Variants in TMOD1 observed in about 807,000 individuals in gnomAD.
TMOD1 encodes the protein tropomodulin-1.
A neutral mutation model predicts 40.6 loss-of-function variants in TMOD1; 17 were observed. That is an observed-to-expected ratio of 0.42 (90% CI 0.29 to 0.63). TMOD1 has a LOEUF of 0.63. Among genes scored for constraint, TMOD1 ranks in the 20% least tolerant of loss-of-function variants. The probability of loss-of-function intolerance (pLI) is 0.22; values close to 1 mark genes in which losing one functional copy is unlikely to be tolerated. For missense variants in TMOD1, 391 were observed against 447.6 expected (o/e 0.87, Z 1.14); for synonymous variants, 181 against 175.0 (o/e 1.03, Z -0.27).
intron 8 of TMOD1, among the ~76,000 whole-genome samples, chr9:97,588,521 T>C (rs1825928223): frequency 6.6e-6 from 1 of 152,198 alleles, no homozygotes; most frequent in Non-Finnish European, 1.5e-5. Flanking sequence ...CAATACAAAA[T>C]ATTTTTCCCA....
intron 4 of TMOD1, among the ~76,000 whole-genome samples, chr9:97,556,031 A>G (rs1361745446): frequency 1.3e-5 from 2 of 151,898 alleles, no homozygotes; most frequent in Non-Finnish European, 2.9e-5. Flanking sequence ...TGGATGCCAC[A>G]CCAAGGAGAT....
intron 4 of TMOD1, among the ~76,000 whole-genome samples, chr9:97,558,937 G>A (rs947668290): frequency 2.0e-5 from 3 of 152,180 alleles, no homozygotes; most frequent in Non-Finnish European, 4.4e-5. Context: ...GGCTCAGCCT[G>A]AAATGCAGGT....
intron 2 of TMOD1, among the ~76,000 whole-genome samples, chr9:97,545,366 A>C (rs1426722751): frequency 6.6e-6 from 1 of 152,220 alleles, no homozygotes; most frequent in Non-Finnish European, 1.5e-5. Context: ...AGTTAAAGTG[A>C]AGCCCATGAG....
intron 3 of TMOD1, among the ~76,000 whole-genome samples, chr9:97,549,734 A>G (rs1830418874): frequency 6.6e-6 from 1 of 152,126 alleles, no homozygotes; most frequent in Admixed American, 6.5e-5. Context: ...ATTTTAGGGA[A>G]TATCTTTCTG....
chr9:97,539,422 T>A (rs1830240934), intron 2 of TMOD1, among the ~76,000 whole-genome samples: 1 of 152,120 alleles, frequency 6.6e-6, no homozygotes, highest in African/African-American at 2.4e-5. Context: ...CACAAGTAAT[T>A]TACATAATAA....
At chr9:97,573,412 T>C (rs1005470636) in intron 8 of TMOD1, among the ~76,000 whole-genome samples, 1 of 152,258 alleles carries the variant, frequency 6.6e-6, no homozygotes, top group Non-Finnish European at 1.5e-5. Context: ...TTAAAGTAGA[T>C]GGATTGTGCT....
intron 2 of TMOD1, among the ~76,000 whole-genome samples, chr9:97,540,784 A>T (rs1374343425): frequency 6.6e-6 from 1 of 152,194 alleles, no homozygotes; most frequent in Non-Finnish European, 1.5e-5. Context: ...TAGCTGGTGA[A>T]CATTAGACTT....
intron 7 of TMOD1, among the ~76,000 whole-genome samples, chr9:97,566,595 C>T (rs1410841788): frequency 6.6e-6 from 1 of 152,028 alleles, no homozygotes; most frequent in East Asian, 1.9e-4. Flanking sequence ...CACTTGAGCC[C>T]AGGAGGCGGA....
At chr9:97,565,667 T>G (rs1202226253) in intron 6 of TMOD1, among the ~76,000 whole-genome samples, 181 bp from the exon 7 acceptor site, 1 of 152,210 alleles carries the variant, frequency 6.6e-6, no homozygotes, top group Non-Finnish European at 1.5e-5. Flanking sequence ...TTTCTAAATC[T>G]GTTTACCAGA....
intron 2 of TMOD1, among the ~76,000 whole-genome samples, chr9:97,540,631 G>A (rs1830262992): frequency 6.6e-6 from 1 of 152,162 alleles, no homozygotes; most frequent in Non-Finnish European, 1.5e-5. Flanking sequence ...GTATGGAATT[G>A]TATAATACAT....
chr9:97,511,395 A>G (rs1180516482), intron 1 of TMOD1, among the ~76,000 whole-genome samples: 1 of 152,194 alleles, frequency 6.6e-6, no homozygotes, highest in African/African-American at 2.4e-5. Context: ...ATCTGTCATA[A>G]TAGAACTAGG....
intron 1 of TMOD1, among the ~76,000 whole-genome samples, chr9:97,511,732 G>A (rs1175935232): frequency 6.6e-6 from 1 of 152,150 alleles, no homozygotes; most frequent in Non-Finnish European, 1.5e-5. Flanking sequence ...CTACAGGAGT[G>A]CGCCATCACA....
Position 97,599,560 on chromosome 9 carries a change from GC to G in TMOD1, c.1016-73del, listed in dbSNP as rs1826204480. 3.1e-6 allele frequency: 5 copies of G among 1,595,288 alleles called. No individual in the cohort carries two copies. In the South Asian group the frequency reaches 5.6e-5, roughly 18 times the overall value. ...ACCAATTAGTGCGAGGTTTCACAGT[GC>G]TTTCTCAGCAACAGTGCTGGCCCCT... is the stretch of plus-strand genomic sequence containing the variant. On this transcript the variant is annotated intron_variant, in intron 9 of 9. Transcript: ENST00000259365.
chr9:97,582,624 A>T (rs1825782474), intron 8 of TMOD1, among the ~76,000 whole-genome samples: 1 of 102,444 alleles, frequency 9.8e-6, no homozygotes, highest in Non-Finnish European at 1.9e-5. Context: ...GATTCTTCCT[A>T]CCCATGAGCA....
intron 8 of TMOD1, among the ~76,000 whole-genome samples, chr9:97,575,162 G>A (rs1052056586): frequency 2.6e-5 from 4 of 152,132 alleles, no homozygotes; most frequent in African/African-American, 7.2e-5. Context: ...CACTCACCGC[G>A]AAGGTCTGCA....
rs988483154 is a variant in TMOD1 at position 97,563,903 on chromosome 9, C to T, written c.488-135C>T. 2.5e-6 allele frequency: 3 copies of T among 1,179,846 alleles called. No individual in the cohort carries two copies. In the African/African-American group the frequency reaches 4.7e-5, roughly 18 times the overall value. The allele number at this position is 1,179,846 out of a possible 1,614,324, so 73.1% of individuals were successfully genotyped here. ...GCTTCTTCTGAGTGGTGCCCCCTAC[C>T]CCCACCCAGCCCCTGTGATGTGCAG... On this transcript the variant is annotated intron_variant, in intron 5 of 9. Transcript: ENST00000259365.
chr9:97,540,205 C>T (rs1392029338), intron 2 of TMOD1, among the ~76,000 whole-genome samples: 1 of 152,172 alleles, frequency 6.6e-6, no homozygotes, highest in Non-Finnish European at 1.5e-5. Context: ...ATACCACAGA[C>T]TAGGTGGCTT....
chr9:97,530,230 A>C (rs1433885559), intron 2 of TMOD1, among the ~76,000 whole-genome samples: 1 of 152,268 alleles, frequency 6.6e-6, no homozygotes, highest in Non-Finnish European at 1.5e-5. Context: ...AAGGAATTTA[A>C]CTGTAAATAT....
At chr9:97,594,826 C>T (rs1826072855) in intron 9 of TMOD1, among the ~76,000 whole-genome samples, 1 of 145,118 alleles carries the variant, frequency 6.9e-6, no homozygotes, top group African/African-American at 2.6e-5. Flanking sequence ...CATCTCCACA[C>T]TATTTATAGC....
Sources: gnomAD v4.1 joint callset for allele counts (sites outside exome capture counted in the v4.1 genomes callset) on GRCh38, gnomAD v4.1.1 for gene constraint, MANE v1.5 for transcripts, NCBI Gene and HGNC (gene_info 2026-07-23, HGNC 2026-07-21) for gene names.